KLRF2: variants seen among roughly 807,000 people sequenced by gnomAD.
KLRF2 encodes killer cell lectin like receptor F2, also known as killer cell lectin-like receptor subfamily F member 2.
Under a neutral mutation model 25.3 loss-of-function variants are expected in KLRF2, and 28 were observed. That is an observed-to-expected ratio of 1.11 (90% CI 0.82 to 1.52). KLRF2 has a LOEUF of 1.52. Ranked by LOEUF, KLRF2 falls within the 40% of genes most tolerant of loss-of-function variation. The probability of loss-of-function intolerance (pLI) is 0.00; values close to 1 mark genes in which losing one functional copy is unlikely to be tolerated. For synonymous variants in KLRF2, 73 were observed against 85.0 expected (o/e 0.86, Z 0.78); for missense variants, 265 against 245.8 (o/e 1.08, Z -0.52).
At chr12:9,888,824 T>C in intron 3 of KLRF2, 44 bp downstream of exon 3, 5 of 1,265,804 alleles carry the variant, frequency 4.0e-6, no homozygotes, top group Non-Finnish European at 5.5e-6. Flanking sequence ...TAGGGGTAAA[T>C]TTAGTTTTGG....
chr12:9,887,085 G>T (rs1046008856), intron 2 of KLRF2, among the ~76,000 whole-genome samples: 4 of 151,956 alleles, frequency 2.6e-5, no homozygotes, highest in African/African-American at 9.7e-5. Flanking sequence ...ATCCAGAAAG[G>T]TCAATAGCTC....
rs1591780284 is a variant in KLRF2 at position 9,894,416 on chromosome 12, C to T, written c.479+875C>T. On this transcript the variant is annotated intron_variant, in intron 5 of 5. Coordinates refer to ENST00000535540, the MANE Select transcript of KLRF2 (RefSeq NM_001190765.1). ...CATGCTGGTCTCCAACTCCTGAGCT[C>T]AAACTATCACCCACCTCAGCCTCCC... 2.6e-5 allele frequency among the ~76,000 whole-genome samples: 4 copies of T among 152,136 alleles called. No homozygotes were observed. The East Asian group carries it at 7.7e-4, about 29-fold the overall frequency.
intron 5 of KLRF2, 99 bp from the exon 6 acceptor site, chr12:9,895,590 G>A (rs2137007012): frequency 8.9e-7 from 1 of 1,121,298 alleles, no homozygotes; most frequent in Non-Finnish European, 1.2e-6. Flanking sequence ...AACTTTGGCT[G>A]CTGAAGAATT....
chr12:9,881,525 C>A lies in KLRF2; in HGVS notation c.-71C>A. Reference sequence around the variant, plus strand: ...AGTACCTTGTGCCAAAGAGACATATCCAAGGTTGAGATTAGTTTCCATTTT... The same window carrying A: ...AGTACCTTGTGCCAAAGAGACATATACAAGGTTGAGATTAGTTTCCATTTT... On this transcript the variant is annotated 5_prime_UTR_variant, in exon 1 of 6. Coordinates refer to ENST00000535540, the MANE Select transcript of KLRF2 (RefSeq NM_001190765.1). 1.8e-6 allele frequency: 2 copies of A among 1,141,014 alleles called. No individual in the cohort carries two copies. The highest frequency in any genetic ancestry group is 2.0e-5 in the Admixed American group (1 of 48,798). 70.7% of individuals were successfully genotyped at this position (1,141,014 alleles called of 1,614,324 possible). A position where few individuals can be genotyped will look rare whatever the true frequency, so the allele number is the denominator to read the frequency against.
At chr12:9,894,980 A>G (rs1184229811) in intron 5 of KLRF2, among the ~76,000 whole-genome samples, 2 of 152,160 alleles carry the variant, frequency 1.3e-5, no homozygotes, top group East Asian at 3.8e-4. Flanking sequence ...AACAGTGTTC[A>G]GTCTGTATTT....
chr12:9,895,134 T>C (rs911865750), intron 5 of KLRF2, among the ~76,000 whole-genome samples: 1 of 152,248 alleles, frequency 6.6e-6, no homozygotes, highest in African/African-American at 2.4e-5. Flanking sequence ...TAGGTTTTAC[T>C]TTGACTTAAA....
At chr12:9,895,550 A>C (rs1251558168) in intron 5 of KLRF2, 139 bp from the exon 6 acceptor site, 3 of 686,188 alleles carry the variant, frequency 4.4e-6, no homozygotes, top group African/African-American at 1.8e-5. Context: ...CTGCATTAGC[A>C]ATGAAAATTC....
rs1006849308 is a variant in KLRF2, at chr12:9,893,546, G to T, written c.479+5G>T. The T allele has an allele frequency of 8.1e-7, 1 of 1,236,352 alleles. No homozygotes were observed. The highest frequency in any genetic ancestry group is 2.1e-5 in the Admixed American group (1 of 48,128). The allele number at this position is 1,236,352 out of a possible 1,614,324, so 76.6% of individuals were successfully genotyped here. A position where few individuals can be genotyped will look rare whatever the true frequency, so the allele number is the denominator to read the frequency against. Reference sequence around the variant, plus strand: ...ACACTTTTTAGTTCCAGAATTGTGAGTAGTTATTTGTAAGGGAGGGGTGCT... The same window carrying T: ...ACACTTTTTAGTTCCAGAATTGTGATTAGTTATTTGTAAGGGAGGGGTGCT... On this transcript the variant is annotated splice_donor_5th_base_variant and intron_variant, in intron 5 of 5. Coordinates refer to ENST00000535540, the MANE Select transcript of KLRF2 (RefSeq NM_001190765.1).
chr12:9,887,085 G>A (rs1046008856), intron 2 of KLRF2, among the ~76,000 whole-genome samples: 1 of 151,956 alleles, frequency 6.6e-6, no homozygotes, highest in African/African-American at 2.4e-5. Context: ...ATCCAGAAAG[G>A]TCAATAGCTC....
At chr12:9,888,611 G>A in intron 2 of KLRF2, 122 bp from the exon 3 acceptor site, 1 of 579,556 alleles carries the variant, frequency 1.7e-6, no homozygotes, top group Non-Finnish European at 3.1e-6. Flanking sequence ...ATGCATAGGA[G>A]AAGAGAAACT....
At chr12:9,882,787 AAC>A (rs1254696444) in intron 1 of KLRF2, among the ~76,000 whole-genome samples, 2 of 91,898 alleles carry the variant, frequency 2.2e-5, no homozygotes, top group Non-Finnish European at 5.8e-5. Context: ...TATATAAAAA[AAC>A]AAAAAAAATT....
intron 1 of KLRF2, 139 bp downstream of exon 1, chr12:9,881,804 AT>A: frequency 1.5e-6 from 1 of 684,116 alleles, no homozygotes; most frequent in Non-Finnish European, 2.4e-6. Context: ...CTGTTAGATT[AT>A]TTAGATTCAT....
At position 9,885,027 on chromosome 12, in the gene KLRF2, T is replaced by C; in HGVS notation, c.164T>C (p.Phe55Ser). 8.0e-7 allele frequency: 1 copy of C among 1,248,630 alleles called. No individual in the cohort carries two copies. The highest frequency in any genetic ancestry group is 2.5e-5 in the South Asian group (1 of 39,926). 77.3% of individuals were successfully genotyped at this position (1,248,630 alleles called of 1,614,324 possible). A position where few individuals can be genotyped will look rare whatever the true frequency, so the allele number is the denominator to read the frequency against. The change falls in exon 2 of 6, where the codon TTC (phenylalanine) becomes TCC (serine). Residue 55 changes from phenylalanine to serine, a missense_variant. Transcript: ENST00000535540. ...IFIMTGIDLK[F>S]WHKKMDFSQN... ...ATTATGACAGGGATTGACCTGAAGT[T>C]CTGGCGTGAGTAGTAAATTTTTATT...
rs184350204 is a variant in KLRF2 at position 9,891,016 on chromosome 12, T to C, written c.218-2004T>C. Among the ~76,000 whole-genome samples the C allele has an allele frequency of 1.1e-4, 16 of 152,300 alleles. 1 individual carries two copies. The East Asian group carries it at 2.1e-3, about 20-fold the overall frequency. On this transcript the variant is annotated intron_variant, in intron 3 of 5. Transcript: ENST00000535540. Reference sequence around the variant, plus strand: ...ATTTGGTTAATATGCCTCTTGAGTCTTAATTTATAGACACTTGTCCCCTCC... The same window carrying C: ...ATTTGGTTAATATGCCTCTTGAGTCCTAATTTATAGACACTTGTCCCCTCC...
At chr12:9,891,476 C>T (rs1481705567) in intron 3 of KLRF2, among the ~76,000 whole-genome samples, 1 of 152,154 alleles carries the variant, frequency 6.6e-6, no homozygotes, top group Non-Finnish European at 1.5e-5. Flanking sequence ...AGTGGTACTT[C>T]ATTGACCAGT....
intron 3 of KLRF2, among the ~76,000 whole-genome samples, chr12:9,891,035 C>T (rs1048392001): frequency 6.6e-6 from 1 of 151,190 alleles, no homozygotes; most frequent in South Asian, 2.1e-4. Context: ...AGACACTTGT[C>T]CCCTCCTTTT....
chr12:9,889,009 A>T (rs1862639774), intron 3 of KLRF2, among the ~76,000 whole-genome samples: 1 of 152,178 alleles, frequency 6.6e-6, no homozygotes, highest in Admixed American at 6.5e-5. Flanking sequence ...GGTTTTAGTG[A>T]GTCAACAACA....
intron 5 of KLRF2, among the ~76,000 whole-genome samples, chr12:9,894,062 CT>C (rs755416544): frequency 1.7e-4 from 26 of 151,356 alleles, no homozygotes; most frequent in South Asian, 6.3e-4. Flanking sequence ...TTCTCTTTCT[CT>C]TTTTTCTTTC....
In KLRF2 at chr12:9,888,844, T is replaced by G. The variant is rs1052005668; in HGVS notation, c.217+64T>G. 6.2e-6 allele frequency: 6 copies of G among 963,748 alleles called. No homozygotes were observed. The African/African-American group carries it at 9.6e-5, about 15-fold the overall frequency. 59.7% of individuals were successfully genotyped at this position (963,748 alleles called of 1,614,324 possible). On this transcript the variant is annotated intron_variant, in intron 3 of 5. Transcript: ENST00000535540. ...GTAAATTTAGTTTTGGCTTCCCTCTTCCTGGCGTTCACCCATGTTACACAG... is the reference window on the plus strand; with the variant it reads ...GTAAATTTAGTTTTGGCTTCCCTCTGCCTGGCGTTCACCCATGTTACACAG...
Sources: gnomAD v4.1 joint callset for allele counts (sites outside exome capture counted in the v4.1 genomes callset) on GRCh38, gnomAD v4.1.1 for gene constraint, MANE v1.5 for transcripts, NCBI Gene and HGNC (gene_info 2026-07-23, HGNC 2026-07-21) for gene names.